TPCN1: variants seen among roughly 807,000 people sequenced by gnomAD.
TPCN1 encodes two pore channel protein 1.
A neutral mutation model predicts 108.8 loss-of-function variants in TPCN1; 52 were observed. That is an observed-to-expected ratio of 0.48 (90% CI 0.38 to 0.60). The LOEUF (loss-of-function observed/expected upper bound fraction) is 0.60, where lower values mean the gene tolerates loss of function less well. Ranked by LOEUF, TPCN1 falls within the 20% of genes least tolerant of loss-of-function variation. The probability of loss-of-function intolerance (pLI) is 0.00; values close to 1 mark genes in which losing one functional copy is unlikely to be tolerated. For missense variants in TPCN1, 806 were observed against 1,072.8 expected (o/e 0.75, Z 3.47); for synonymous variants, 446 against 433.7 (o/e 1.03, Z -0.35).
chr12:113,239,665 G>T (rs1278883031), intron 2 of TPCN1, among the ~76,000 whole-genome samples: 1 of 152,142 alleles, frequency 6.6e-6, no homozygotes, highest in African/African-American at 2.4e-5. Context: ...GCCCAGCAGG[G>T]CATGGCGTTG....
chr12:113,276,561 T>C (rs1566185131), intron 10 of TPCN1, among the ~76,000 whole-genome samples: 1 of 152,124 alleles, frequency 6.6e-6, no homozygotes, highest in Admixed American at 6.5e-5. Flanking sequence ...AGAATCCAGA[T>C]GCGCCCCTCT....
Position 113,273,117 on chromosome 12 carries a change from TGA to T in TPCN1, c.784-110_784-109del. 1 of 903,970 alleles carries T rather than the reference TGA, an allele frequency of 1.1e-6. No homozygotes were observed. The highest frequency in any genetic ancestry group is 1.9e-6 in the Non-Finnish European group (1 of 539,944). The allele number at this position is 903,970 out of a possible 1,614,324, so 56.0% of individuals were successfully genotyped here. A position where few individuals can be genotyped will look rare whatever the true frequency, so the allele number is the denominator to read the frequency against. ...TCCTCTGCCTCCCTCAGGGATTCCT[TGA>T]GAGATGCAAGAGCGGTCAAGGCAGG... On this transcript the variant is annotated intron_variant, in intron 8 of 27. Coordinates refer to ENST00000335509, the MANE Select transcript of TPCN1 (RefSeq NM_017901.6). This position sits in a 1 kb window ranked among gnomAD's most constrained non-coding sequence, Gnocchi z 4.0.
intron 2 of TPCN1, among the ~76,000 whole-genome samples, chr12:113,253,395 G>A (rs1209775419): frequency 3.3e-5 from 5 of 152,220 alleles, no homozygotes; most frequent in Non-Finnish European, 7.3e-5. Context: ...AGTGCCTTAA[G>A]ATAGCAACAT....
intron 27 of TPCN1, among the ~76,000 whole-genome samples, 199 bp downstream of exon 27, chr12:113,293,548 A>G (rs1956337150): frequency 6.6e-6 from 1 of 152,184 alleles, no homozygotes; most frequent in Admixed American, 6.5e-5. Flanking sequence ...TGCCCAGCAG[A>G]GGCAGCTCTC....
chr12:113,268,875 A>G lies in TPCN1; in HGVS notation c.659+3A>G, dbSNP rs1422532322. 6.2e-7 allele frequency: 1 copy of G among 1,613,438 alleles called. No homozygotes were observed. Among genetic ancestry groups the G allele is most frequent in the Non-Finnish European group, 8.5e-7 (1 of 1,179,766 alleles). The stretch of plus-strand genomic sequence containing the variant: ...CGGTATTGCGGTGGCGTCCGGCGGT[A>G]AGGCCCGGGTGGGGAGCTGGGCAGT... On this transcript the variant is annotated splice_donor_region_variant and intron_variant, in intron 6 of 27. Transcript: ENST00000335509. This position sits in a 1 kb window ranked among gnomAD's most constrained non-coding sequence, Gnocchi z 7.3.
At chr12:113,227,771 A>T (rs2136432949) in intron 2 of TPCN1, among the ~76,000 whole-genome samples, 1 of 152,232 alleles carries the variant, frequency 6.6e-6, no homozygotes, top group Non-Finnish European at 1.5e-5. Flanking sequence ...GTCAGGGCAG[A>T]GATGTTTGGG....
rs1450046492 is a variant in TPCN1, at chr12:113,288,823, G to C, written c.1772G>C (p.Gly591Ala). 1 of 1,613,624 alleles carries C rather than the reference G, an allele frequency of 6.2e-7. No homozygotes were observed. The highest frequency in any genetic ancestry group is 1.7e-5 in the Admixed American group (1 of 60,028). ...FAIVGMEFFC[G>A]IVFPNCCNTS... ...ATCGTGGGCATGGAGTTCTTCTGCG[G>C]GATCGTCTTCCCCAACTGCTGCAAG... Residue 591 changes from glycine (G) to alanine (A), a missense_variant, in exon 21 of 28, where the codon GGG becomes GCG. Transcript: ENST00000335509. The surrounding 1 kb of genome is among the most constrained non-coding windows in gnomAD (Gnocchi z 4.8).
Position 113,296,619 on chromosome 12 carries a change from C to T in TPCN1, c.*543C>T, listed in dbSNP as rs1306972886. On this transcript the variant is annotated 3_prime_UTR_variant, in exon 28 of 28. Coordinates refer to ENST00000335509, the MANE Select transcript of TPCN1 (RefSeq NM_017901.6). ...CGCAACACCTCTTCGGGGACCAGTGCCCAGGATCTAATGGAAGCGGAATTG... is the reference window on the plus strand; with the variant it reads ...CGCAACACCTCTTCGGGGACCAGTGTCCAGGATCTAATGGAAGCGGAATTG... 6.5e-6 allele frequency: 1 copy of T among 153,118 alleles called. No homozygotes were observed. Among genetic ancestry groups the T allele is most frequent in the Non-Finnish European group, 1.5e-5 (1 of 68,640 alleles). 9.5% of individuals were successfully genotyped at this position (153,118 alleles called of 1,614,324 possible).
rs750134639 is a variant in TPCN1, at chr12:113,293,016, G to A, written c.2196G>A (p.Gly732=). The A allele has an allele frequency of 9.9e-6, 16 of 1,613,236 alleles. No individual in the cohort carries two copies. Among genetic ancestry groups the A allele is most frequent in the South Asian group, 6.6e-5 (6 of 91,072 alleles). ...TGGAGCTCTACCGGGAGGCACGGGG[G>A]GCCTCCTCGGATGTCACCAGGCTGC... ...AVLELYREAR[G]ASSDVTRLLE... is the part of the protein sequence containing the mutation. Residue 732 remains glycine, a synonymous_variant, in exon 26 of 28, where the codon GGG becomes GGA. Transcript: ENST00000335509.
Position 113,289,958 on chromosome 12 carries a change from C to A in TPCN1, c.1797-170C>A. 1.8e-6 allele frequency: 1 copy of A among 566,154 alleles called. No individual in the cohort carries two copies. The highest frequency in any genetic ancestry group is 3.1e-6 in the Non-Finnish European group (1 of 319,034). 35.1% of individuals were successfully genotyped at this position (566,154 alleles called of 1,614,324 possible). On this transcript the variant is annotated intron_variant, in intron 21 of 27. Coordinates refer to ENST00000335509, the MANE Select transcript of TPCN1 (RefSeq NM_017901.6). This position sits in a 1 kb window ranked among gnomAD's most constrained non-coding sequence, Gnocchi z 4.1. ...CAGGCAGGAATAGCCAAGGGCATTC[C>A]TTCAGCAGGGACCCAGGCATGAGGT...
At chr12:113,267,129 C>T (rs763631022) in intron 4 of TPCN1, among the ~76,000 whole-genome samples, 3 of 152,186 alleles carry the variant, frequency 2.0e-5, no homozygotes, top group Non-Finnish European at 4.4e-5. Context: ...GAGGAGCTCT[C>T]CTATGTCTGT....
At chr12:113,227,727 A>G (rs1953526037) in intron 2 of TPCN1, among the ~76,000 whole-genome samples, 1 of 152,172 alleles carries the variant, frequency 6.6e-6, no homozygotes, top group African/African-American at 2.4e-5. Flanking sequence ...TCTGCTTAGC[A>G]AATGGATGTT....
intron 3 of TPCN1, among the ~76,000 whole-genome samples, chr12:113,263,087 T>A (rs996537221): frequency 6.6e-6 from 1 of 152,220 alleles, no homozygotes; most frequent in Non-Finnish European, 1.5e-5. Context: ...TGTACAGATA[T>A]CCATACATAT....
intron 15 of TPCN1, among the ~76,000 whole-genome samples, chr12:113,283,633 TAA>T (rs879333520): frequency 6.9e-6 from 1 of 145,756 alleles, no homozygotes. Flanking sequence ...AACCCTGTCT[TAA>T]AAAAAAAAAA....
intron 2 of TPCN1, among the ~76,000 whole-genome samples, chr12:113,250,498 T>C (rs1954591399): frequency 6.6e-6 from 1 of 152,202 alleles, no homozygotes; most frequent in Admixed American, 6.5e-5. Flanking sequence ...ACTGCCTCTG[T>C]GGACAGGTGC....
At chr12:113,259,374 T>G (rs1954941099) in intron 2 of TPCN1, among the ~76,000 whole-genome samples, 1 of 152,194 alleles carries the variant, frequency 6.6e-6, no homozygotes, top group African/African-American at 2.4e-5. Context: ...AATGCGTCAT[T>G]TCTTGGTGCC....
At chr12:113,291,265 T>C (rs1468269680) in intron 23 of TPCN1, among the ~76,000 whole-genome samples, 1 of 152,178 alleles carries the variant, frequency 6.6e-6, no homozygotes, top group Non-Finnish European at 1.5e-5. Context: ...TGGGTCTCTG[T>C]CCTGTCTCGC....
intron 2 of TPCN1, among the ~76,000 whole-genome samples, chr12:113,246,707 G>A (rs1245024687): frequency 1.3e-5 from 2 of 152,220 alleles, no homozygotes; most frequent in Non-Finnish European, 2.9e-5. Flanking sequence ...TTCTCAAGCT[G>A]GGCCCCTGCG....
rs115444585 is a variant in TPCN1 at position 113,229,133 on chromosome 12, A to T, written c.112+2169A>T. Among the ~76,000 whole-genome samples, 1,018 of 152,374 alleles carry T rather than the reference A, an allele frequency of 6.7e-3. 15 individuals carry two copies. Among genetic ancestry groups the T allele is most frequent in the African/African-American group, 0.022 (930 of 41,582 alleles). ...TAAGACTCCCCTTGGCTAGGCCACT[A>T]GCAAGGCTGCTTTTATCTTGGCAAA... On this transcript the variant is annotated intron_variant, in intron 2 of 27. Transcript: ENST00000335509.
Sources: gnomAD v4.1 joint callset for allele counts (sites outside exome capture counted in the v4.1 genomes callset) on GRCh38, gnomAD v4.1.1 for gene constraint, Gnocchi (gnomAD v3.1) non-coding constraint, MANE v1.5 for transcripts, NCBI Gene and HGNC (gene_info 2026-07-23, HGNC 2026-07-21) for gene names.